The following TTC7A variants were observed in gnomAD, a reference collection of about 807,000 sequenced individuals.
TTC7A encodes tetratricopeptide repeat protein 7A.
A neutral mutation model predicts 103.7 loss-of-function variants in TTC7A; 110 were observed. The observed-to-expected ratio is 1.06, with a 90% CI of 0.91 to 1.24. The LOEUF (loss-of-function observed/expected upper bound fraction) is 1.24, where lower values mean the gene tolerates loss of function less well. TTC7A is among the 50% of genes most tolerant of loss of function. The pLI, the probability that TTC7A is intolerant of heterozygous loss-of-function variation, is 0.00. For synonymous variants in TTC7A, 521 were observed against 467.9 expected, an observed-to-expected ratio of 1.11 and a Z score of -1.47; for missense variants, 1,340 against 1,116.3, an observed-to-expected ratio of 1.20 and a Z score of -2.86.
At chr2:47,062,433 G>A (rs1420494878) in intron 19 of TTC7A, among the ~76,000 whole-genome samples, 1 of 152,210 alleles carries the variant, frequency 6.6e-6, no homozygotes, top group East Asian at 1.9e-4. Context: ...TGGCTGCATT[G>A]CCTTCCAGTC....
At chr2:47,063,988 A>C (rs1389883007) in intron 19 of TTC7A, among the ~76,000 whole-genome samples, 1 of 152,178 alleles carries the variant, frequency 6.6e-6, no homozygotes, top group Non-Finnish European at 1.5e-5. Flanking sequence ...CTAAGAATAT[A>C]AGTTTTGGCC....
intron 2 of TTC7A, among the ~76,000 whole-genome samples, chr2:46,931,172 G>A (rs1205496367): frequency 6.6e-6 from 1 of 152,246 alleles, no homozygotes; most frequent in Non-Finnish European, 1.5e-5. Flanking sequence ...TAGGAGTGCA[G>A]TGGTGCAATC....
intron 18 of TTC7A, among the ~76,000 whole-genome samples, chr2:47,059,718 C>G (rs6734192): frequency 2.0e-5 from 3 of 152,008 alleles, no homozygotes; most frequent in South Asian, 2.1e-4. Flanking sequence ...AAGCTCTTAG[C>G]TCAGGGGACG....
intron 1 of TTC7A, among the ~76,000 whole-genome samples, chr2:46,942,443 G>T (rs1670516443): frequency 6.6e-6 from 1 of 152,324 alleles, no homozygotes; most frequent in South Asian, 2.1e-4. Context: ...AATCACTTAG[G>T]AGGCTTTGTG....
chr2:47,018,830 G>T (rs1678974946), intron 11 of TTC7A, among the ~76,000 whole-genome samples: 1 of 152,064 alleles, frequency 6.6e-6, no homozygotes, highest in Non-Finnish European at 1.5e-5. Flanking sequence ...TTTTACAGAA[G>T]AGAGAAGGAA....
At chr2:46,987,140 C>G (rs539866410) in intron 5 of TTC7A, among the ~76,000 whole-genome samples, 4 of 152,210 alleles carry the variant, frequency 2.6e-5, no homozygotes, top group African/African-American at 9.6e-5. Flanking sequence ...AAAGAGCCCT[C>G]GGTGGGTGGG....
At chr2:47,064,376 C>T (rs1379021830) in intron 19 of TTC7A, among the ~76,000 whole-genome samples, 2 of 152,232 alleles carry the variant, frequency 1.3e-5, no homozygotes, top group South Asian at 2.1e-4. Flanking sequence ...AAATCCCACT[C>T]AGCTGGGGTA....
intron 15 of TTC7A, among the ~76,000 whole-genome samples, chr2:47,044,337 G>A (rs182957214): frequency 1.3e-5 from 2 of 152,344 alleles, no homozygotes; most frequent in African/African-American, 4.8e-5. Flanking sequence ...GGCAGCCATT[G>A]TGTTTTCTTC....
At chr2:47,011,297 G>T in intron 10 of TTC7A, 34 bp from the exon 11 acceptor site, 1 of 1,592,726 alleles carries the variant, frequency 6.3e-7, no homozygotes, top group South Asian at 1.1e-5. Flanking sequence ...CCAGGACTGT[G>T]AGTGACAGTG....
intron 18 of TTC7A, among the ~76,000 whole-genome samples, chr2:47,059,601 C>T (rs1683603903): frequency 6.6e-6 from 1 of 152,112 alleles, no homozygotes; most frequent in South Asian, 2.1e-4. Context: ...GCCTGGGAGA[C>T]CAAGGGGCCC....
intron 19 of TTC7A, among the ~76,000 whole-genome samples, chr2:47,065,396 CTG>C (rs1684103592): frequency 6.6e-6 from 1 of 152,212 alleles, no homozygotes; most frequent in African/African-American, 2.4e-5. Flanking sequence ...CTTGGAGTCT[CTG>C]GGGATGGCAA....
At chr2:46,986,845 T>G (rs1056893252) in intron 5 of TTC7A, among the ~76,000 whole-genome samples, 4 of 152,126 alleles carry the variant, frequency 2.6e-5, no homozygotes, top group Admixed American at 6.5e-5. Context: ...TTGTCCACTG[T>G]GTACGGTGGG....
intron 11 of TTC7A, among the ~76,000 whole-genome samples, chr2:47,011,932 C>G (rs914698130): frequency 6.6e-6 from 1 of 152,250 alleles, no homozygotes; most frequent in Non-Finnish European, 1.5e-5. Context: ...TGCTCCGCTG[C>G]CTGCTTACTG....
chr2:46,954,268 T>C (rs115611776), intron 2 of TTC7A, among the ~76,000 whole-genome samples: 1,589 of 152,116 alleles, frequency 0.01, 34 homozygotes, highest in African/African-American at 0.036. Flanking sequence ...GAGTAGGTGA[T>C]GCGCTGATCC....
At chr2:47,035,265 G>A (rs1161955949) in intron 15 of TTC7A, 1 of 152,182 alleles carries the variant, frequency 6.6e-6, no homozygotes, top group Non-Finnish European at 1.5e-5. Flanking sequence ...TGAGGGGGTG[G>A]AATCAAAGGT....
chr2:47,003,267 A>G (rs1677026540), intron 8 of TTC7A, among the ~76,000 whole-genome samples: 1 of 152,112 alleles, frequency 6.6e-6, no homozygotes, highest in African/African-American at 2.4e-5. Flanking sequence ...GGTGAACCAG[A>G]CGGGGGCATG....
At chr2:46,932,021 AG>A (rs1669732229) in intron 2 of TTC7A, among the ~76,000 whole-genome samples, 1 of 152,238 alleles carries the variant, frequency 6.6e-6, no homozygotes, top group African/African-American at 2.4e-5. Context: ...AATCTCAGTA[AG>A]TGCAAAGAAG....
intron 15 of TTC7A, among the ~76,000 whole-genome samples, chr2:47,032,389 G>A (rs1284868276): frequency 6.6e-6 from 1 of 152,206 alleles, no homozygotes; most frequent in East Asian, 1.9e-4. Context: ...CTTGCAAGGA[G>A]CTTCCTGGAG....
rs779104500 is a variant in TTC7A, at chr2:46,956,933, G to A, written c.443G>A (p.Gly148Glu). ...RDAISMYARA[G>E]IDDMSMENKP... ...GCCATCAGCATGTACGCACGGGCCG[G>A]GATTGATGACATGTCCATGGAGAAC... The change falls in exon 3 of 20, where the codon GGG (glycine) becomes GAG (glutamate). Residue 148 changes from glycine to glutamate, a missense_variant. Physicochemically the swap from Gly to Glu is moderately conservative, Grantham distance 98. Coordinates refer to ENST00000319190, the MANE Select transcript of TTC7A (RefSeq NM_020458.4). The A allele has an allele frequency of 6.2e-7, 1 of 1,614,222 alleles. No individual in the cohort carries two copies. The highest frequency in any genetic ancestry group is 1.7e-5 in the Admixed American group (1 of 60,026).
Sources: allele counts gnomAD v4.1 joint callset (sites outside exome capture counted in the v4.1 genomes callset), GRCh38; gene constraint gnomAD v4.1.1; transcripts MANE v1.5; gene names NCBI Gene and HGNC (gene_info 2026-07-23, HGNC 2026-07-21).